Variants in EFCAB6 observed in about 807,000 individuals in gnomAD.
The protein encoded by EFCAB6 is EF-hand calcium binding domain 6.
A neutral mutation model predicts 169.8 loss-of-function variants in EFCAB6; 156 were observed. The ratio of observed to expected loss-of-function variants is 0.92; its 90% CI spans 0.81 to 1.05. EFCAB6 has a LOEUF of 1.05. Among genes scored for constraint, EFCAB6 ranks in the 50% least tolerant of loss-of-function variants. EFCAB6 has a pLI of 0.00. For synonymous variants in EFCAB6, 698 were observed against 676.4 expected (o/e 1.03, Z -0.50); for missense variants, 1,800 against 1,829.1 (o/e 0.98, Z 0.29).
chr22:43,727,807 T>A (rs2059792716), intron 8 of EFCAB6, among the ~76,000 whole-genome samples: 1 of 152,160 alleles, frequency 6.6e-6, no homozygotes, highest in African/African-American at 2.4e-5. Context: ...GAAAAGAGGC[T>A]CATTTGGCTT....
At chr22:43,732,146 C>A (rs976512032) in intron 7 of EFCAB6, among the ~76,000 whole-genome samples, 1 of 152,162 alleles carries the variant, frequency 6.6e-6, no homozygotes, top group Non-Finnish European at 1.5e-5. Flanking sequence ...TCTGTCTGCA[C>A]GGCAGCTGCC....
chr22:43,553,230 G>A (rs957776677), intron 27 of EFCAB6: 1 of 152,256 alleles, frequency 6.6e-6, no homozygotes, highest in African/African-American at 2.4e-5. Flanking sequence ...GCGAAAGAGT[G>A]ACATTTCCAC....
In EFCAB6 at chr22:43,735,839, G is replaced by T. The variant is rs770074856; in HGVS notation, c.644+18C>A. 6 of 1,611,280 alleles carry T rather than the reference G, an allele frequency of 3.7e-6. No individual in the cohort carries two copies. The African/African-American group carries it at 6.7e-5, about 18-fold the overall frequency. On this transcript the variant is annotated intron_variant, in intron 7 of 31. Transcript: ENST00000262726. ...AAGTTCTACTGAGCAATCTCTCACC[G>T]TGCCTTCATTTGCTTACTTTTCGTA... is the stretch of plus-strand genomic sequence containing the variant.
In EFCAB6 at chr22:43,784,551, A is replaced by G. The variant is rs1389587001; in HGVS notation, c.-7-2226T>C. Among the ~76,000 whole-genome samples the G allele has an allele frequency of 8.8e-4, 86 of 97,476 alleles. 1 individual carries two copies. Among genetic ancestry groups the G allele is most frequent in the African/African-American group, 1.5e-3 (34 of 22,810 alleles). 63.9% of individuals were successfully genotyped at this position (97,476 alleles called of 152,430 possible). On this transcript the variant is annotated intron_variant, in intron 2 of 31. Transcript: ENST00000262726. ...TGTGTGTGTGTGTGTGTGTATATGT[A>G]TATATACACATATATATGTGTACAT...
chr22:43,700,255 G>T (rs1365846477), intron 10 of EFCAB6, among the ~76,000 whole-genome samples: 2 of 151,950 alleles, frequency 1.3e-5, no homozygotes, highest in Non-Finnish European at 2.9e-5. Flanking sequence ...AGCTGTTAGG[G>T]TTTAAAATTT....
chr22:43,678,200 A>AT, intron 12 of EFCAB6, 37 bp from the exon 13 acceptor site: 1 of 1,559,772 alleles, frequency 6.4e-7, no homozygotes, highest in South Asian at 1.2e-5. Context: ...ATTTTTGAAA[A>AT]AAAAAAAAAA....
chr22:43,537,286 C>T lies in EFCAB6; in HGVS notation c.4048+91G>A. 2 of 1,497,710 alleles carry T rather than the reference C, an allele frequency of 1.3e-6. No homozygotes were observed. Among genetic ancestry groups the T allele is most frequent in the Non-Finnish European group, 1.8e-6 (2 of 1,106,110 alleles). The allele number at this position is 1,497,710 out of a possible 1,614,324, so 92.8% of individuals were successfully genotyped here. On this transcript the variant is annotated intron_variant, in intron 29 of 31. Coordinates refer to ENST00000262726, the MANE Select transcript of EFCAB6 (RefSeq NM_022785.4). The surrounding 1 kb of genome is among the most constrained non-coding windows in gnomAD (Gnocchi z 4.3). ...TTCCTGTTCTGCTGCTCCCTGGCCT[C>T]CACCCGGGGTGTGGCTTTGTACCCA...
intron 20 of EFCAB6, among the ~76,000 whole-genome samples, chr22:43,618,423 A>C (rs1472809228): frequency 6.6e-6 from 1 of 152,112 alleles, no homozygotes; most frequent in African/African-American, 2.4e-5. Flanking sequence ...GGTCCCAGTT[A>C]AGATGGAGTA....
intron 2 of EFCAB6, among the ~76,000 whole-genome samples, chr22:43,786,645 C>T (rs2062087244): frequency 6.6e-6 from 1 of 151,898 alleles, no homozygotes; most frequent in Admixed American, 6.6e-5. Context: ...ACCCAGGAGG[C>T]AGAGTTTGCA....
intron 11 of EFCAB6, 29 bp downstream of exon 11, chr22:43,687,442 A>C: frequency 9.1e-7 from 1 of 1,096,158 alleles, no homozygotes. Flanking sequence ...GTGTAACTAA[A>C]ATTTGTTTTT....
chr22:43,561,055 T>C (rs1285640577), intron 26 of EFCAB6, among the ~76,000 whole-genome samples: 1 of 152,144 alleles, frequency 6.6e-6, no homozygotes, highest in Non-Finnish European at 1.5e-5. Flanking sequence ...GCGTGTTCAC[T>C]ATAGAAAACT....
Position 43,765,305 on chromosome 22 carries a change from C to G in EFCAB6, c.440G>C (p.Arg147Thr). ...TCACATGAGCAAACCAAACACTTAC[C>G]TCTTTATACCATTTATATATAGGTC... ...GIDLYINGIK[R>T]GGGNEMNCCR... is the part of the protein sequence containing the mutation. The change falls in exon 5 of 32, where the codon AGG becomes ACG. Residue 147 changes from arginine to threonine, a missense_variant and splice_region_variant. Physicochemically the swap from Arg to Thr is moderately conservative, Grantham distance 71. Transcript: ENST00000262726. 1.2e-6 allele frequency: 2 copies of G among 1,609,564 alleles called. No homozygotes were observed. The highest frequency in any genetic ancestry group is 1.7e-6 in the Non-Finnish European group (2 of 1,176,534).
intron 17 of EFCAB6, among the ~76,000 whole-genome samples, chr22:43,635,483 C>G (rs2055322854): frequency 6.6e-6 from 1 of 152,186 alleles, no homozygotes. Flanking sequence ...CCACTGCAGA[C>G]TTTTCCAAGC....
chr22:43,607,832 A>G (rs934172878), intron 22 of EFCAB6, among the ~76,000 whole-genome samples: 1 of 152,218 alleles, frequency 6.6e-6, no homozygotes, highest in Non-Finnish European at 1.5e-5. Context: ...TGGGTCTGGA[A>G]CTTGGAAATA....
intron 26 of EFCAB6, among the ~76,000 whole-genome samples, chr22:43,563,972 A>G (rs1026206576): frequency 2.0e-5 from 3 of 152,228 alleles, no homozygotes; most frequent in African/African-American, 2.4e-5. Context: ...ACAGGCTCCA[A>G]TTGAGGTGAG....
In EFCAB6 at chr22:43,534,694, G is replaced by A. The variant is rs765657299; in HGVS notation, c.4227C>T (p.His1409=). Reference sequence around the variant, plus strand: ...CTGCAGGTGGGCAACATACCATCTTGTGTGCATTCTGGATCTTCATCCTGT... The same window carrying A: ...CTGCAGGTGGGCAACATACCATCTTATGTGCATTCTGGATCTTCATCCTGT... ...LMHRMKIQNA[H]KMKEAGAETP... is the part of the protein sequence containing the mutation. The change falls in exon 30 of 32, where the codon CAC becomes CAT. Residue 1409 remains histidine, a synonymous_variant. Transcript: ENST00000262726. 6.2e-7 allele frequency: 1 copy of A among 1,604,070 alleles called. No individual in the cohort carries two copies. The highest frequency in any genetic ancestry group is 8.5e-7 in the Non-Finnish European group (1 of 1,176,414).
chr22:43,623,117 C>T lies in EFCAB6; in HGVS notation c.2465+3330G>A, dbSNP rs144983854. On this transcript the variant is annotated intron_variant, in intron 20 of 31. Coordinates refer to ENST00000262726, the MANE Select transcript of EFCAB6 (RefSeq NM_022785.4). ...GTGACACTGATCGTATCAGCTGAAGCGCTTGATGACTGAATGATATATTTC... is the reference window on the plus strand; with the variant it reads ...GTGACACTGATCGTATCAGCTGAAGTGCTTGATGACTGAATGATATATTTC... Among the ~76,000 whole-genome samples the T allele has an allele frequency of 4.6e-5, 7 of 152,274 alleles. No homozygotes were observed. The East Asian group carries it at 5.8e-4, about 13-fold the overall frequency.
At chr22:43,635,297 G>A (rs2055304729) in intron 17 of EFCAB6, 81 bp from the exon 18 acceptor site, 5 of 1,013,580 alleles carry the variant, frequency 4.9e-6, no homozygotes, top group South Asian at 1.3e-5. Flanking sequence ...CTGCCCCTGT[G>A]CTGGCTCACA....
At chr22:43,680,631 G>A (rs1388852237) in intron 12 of EFCAB6, among the ~76,000 whole-genome samples, 1 of 152,054 alleles carries the variant, frequency 6.6e-6, no homozygotes, top group African/African-American at 2.4e-5. Flanking sequence ...CTTTAACAAT[G>A]TTTTGTAATT....
Sources: gnomAD v4.1 joint callset for allele counts (sites outside exome capture counted in the v4.1 genomes callset) on GRCh38, gnomAD v4.1.1 for gene constraint, Gnocchi (gnomAD v3.1) non-coding constraint, MANE v1.5 for transcripts, NCBI Gene and HGNC (gene_info 2026-07-23, HGNC 2026-07-21) for gene names.